Variants in DPP10 observed in about 807,000 individuals in gnomAD.
DPP10 encodes the protein dipeptidyl peptidase like 10, also known as inactive dipeptidyl peptidase 10.
A neutral mutation model predicts 120.9 loss-of-function variants in DPP10; 33 were observed. That is an observed-to-expected ratio of 0.27 (90% CI 0.21 to 0.37). The LOEUF (loss-of-function observed/expected upper bound fraction) is 0.37, where lower values mean the gene tolerates loss of function less well. Among genes scored for constraint, DPP10 ranks in the 10% least tolerant of loss-of-function variants. DPP10 has a pLI of 1.00. For missense variants in DPP10, 816 were observed against 942.8 expected, an observed-to-expected ratio of 0.87 and a Z score of 1.76; for synonymous variants, 337 against 326.1, an observed-to-expected ratio of 1.03 and a Z score of -0.36.
chr2:115,268,880 T>C (rs2059571109), intron 1 of DPP10, among the ~76,000 whole-genome samples: 1 of 150,534 alleles, frequency 6.6e-6, no homozygotes, highest in Non-Finnish European at 1.5e-5. Context: ...CCGGGTGCAG[T>C]GGCTCACGCC....
At chr2:115,627,436 C>A (rs561268120) in intron 5 of DPP10, among the ~76,000 whole-genome samples, 5 of 152,152 alleles carry the variant, frequency 3.3e-5, no homozygotes, top group Non-Finnish European at 5.9e-5. Flanking sequence ...GGACTGTGGA[C>A]AGCAAGATTT....
intron 1 of DPP10, among the ~76,000 whole-genome samples, chr2:114,522,066 G>A (rs1317183759): frequency 2.8e-5 from 4 of 142,458 alleles, no homozygotes; most frequent in Admixed American, 7.1e-5. Flanking sequence ...TGCAAGCTCC[G>A]CCTCCCGGGT....
intron 5 of DPP10, among the ~76,000 whole-genome samples, chr2:115,595,810 G>C (rs1227188355): frequency 6.6e-6 from 1 of 151,626 alleles, no homozygotes; most frequent in Non-Finnish European, 1.5e-5. Flanking sequence ...CTTTAAATGA[G>C]TCAGAATTAC....
At chr2:114,794,884 T>C (rs1683567814) in intron 1 of DPP10, among the ~76,000 whole-genome samples, 1 of 152,182 alleles carries the variant, frequency 6.6e-6, no homozygotes, top group African/African-American at 2.4e-5. Flanking sequence ...ATGAAATGGA[T>C]TAATAATATG....
chr2:115,656,963 TAATA>T (rs1479984821), intron 5 of DPP10, among the ~76,000 whole-genome samples: 5 of 151,748 alleles, frequency 3.3e-5, no homozygotes, highest in African/African-American at 4.8e-5. Flanking sequence ...CTGTTATGCA[TAATA>T]AATAAGTTCT....
intron 1 of DPP10, among the ~76,000 whole-genome samples, chr2:115,279,190 G>A (rs2060037904): frequency 6.6e-6 from 1 of 151,708 alleles, no homozygotes; most frequent in African/African-American, 2.4e-5. Context: ...GATTTGACCA[G>A]AAATGGACAT....
chr2:114,573,007 A>G (rs1347739670), intron 1 of DPP10, among the ~76,000 whole-genome samples: 1 of 152,200 alleles, frequency 6.6e-6, no homozygotes, highest in Non-Finnish European at 1.5e-5. Context: ...TTCTGAGACA[A>G]GGTCTTGCTG....
chr2:115,806,843 C>A (rs923093544), intron 19 of DPP10, among the ~76,000 whole-genome samples: 2 of 151,642 alleles, frequency 1.3e-5, no homozygotes, highest in African/African-American at 4.9e-5. Flanking sequence ...TAAATTGCCC[C>A]CCCACCCCCA....
intron 1 of DPP10, among the ~76,000 whole-genome samples, chr2:115,244,231 TATATATATAG>T (rs1269510207): frequency 3.8e-4 from 15 of 39,366 alleles, no homozygotes; most frequent in African/African-American, 7.9e-4. Flanking sequence ...TATATATATA[TATATATATAG>T]AGAGAGAGAG....
intron 1 of DPP10, among the ~76,000 whole-genome samples, chr2:114,771,033 C>G (rs1422009132): frequency 6.6e-6 from 1 of 152,154 alleles, no homozygotes; most frequent in Non-Finnish European, 1.5e-5. Flanking sequence ...ATATAAAAGT[C>G]TAAACACTTA....
chr2:114,718,693 G>C (rs1046765981), intron 1 of DPP10, among the ~76,000 whole-genome samples: 8 of 152,126 alleles, frequency 5.3e-5, no homozygotes, highest in Non-Finnish European at 1.0e-4. Flanking sequence ...GAATGTTAAG[G>C]AAAATGACCA....
intron 3 of DPP10, among the ~76,000 whole-genome samples, chr2:115,409,965 G>A (rs893437760): frequency 6.6e-6 from 1 of 152,186 alleles, no homozygotes; most frequent in African/African-American, 2.4e-5. Context: ...TAATCTATGA[G>A]GATACAAAGG....
intron 4 of DPP10, among the ~76,000 whole-genome samples, chr2:115,503,571 G>A (rs1295428348): frequency 6.6e-6 from 1 of 152,126 alleles, no homozygotes; most frequent in Non-Finnish European, 1.5e-5. Flanking sequence ...TGGCCACGTA[G>A]CCTCACATAA....
intron 1 of DPP10, among the ~76,000 whole-genome samples, chr2:114,550,458 C>A (rs1687792924): frequency 6.6e-6 from 1 of 152,238 alleles, no homozygotes; most frequent in South Asian, 2.1e-4. Flanking sequence ...AAAGGTCACA[C>A]AGCCAGTAAG....
chr2:115,767,738 G>T, intron 12 of DPP10, among the ~76,000 whole-genome samples: 1 of 151,818 alleles, frequency 6.6e-6, no homozygotes, highest in South Asian at 2.1e-4. Flanking sequence ...CAATAAGGAT[G>T]GTAAATTTGA....
intron 1 of DPP10, among the ~76,000 whole-genome samples, chr2:115,117,932 G>C (rs993602603): frequency 2.0e-5 from 3 of 152,142 alleles, no homozygotes; most frequent in Non-Finnish European, 4.4e-5. Context: ...ATCTAAGAGG[G>C]AGAAAATATC....
chr2:115,407,462 AG>A (rs2068601296), intron 3 of DPP10, among the ~76,000 whole-genome samples: 1 of 152,148 alleles, frequency 6.6e-6, no homozygotes, highest in African/African-American at 2.4e-5. Flanking sequence ...TCTCCCTCAG[AG>A]GCCAATCTAA....
intron 3 of DPP10, among the ~76,000 whole-genome samples, chr2:115,357,621 GGT>G (rs1433740698): frequency 6.6e-6 from 1 of 152,174 alleles, no homozygotes; most frequent in Non-Finnish European, 1.5e-5. Flanking sequence ...TCTGGAGGAT[GGT>G]GGGCCCCTTC....
At chr2:115,666,058 C>G (rs1388453019) in intron 5 of DPP10, among the ~76,000 whole-genome samples, 2 of 152,062 alleles carry the variant, frequency 1.3e-5, no homozygotes, top group East Asian at 3.9e-4. Context: ...ATCCTCCACC[C>G]TCAAGTAGAC....
Sources: allele counts gnomAD v4.1 joint callset (sites outside exome capture counted in the v4.1 genomes callset), GRCh38; gene constraint gnomAD v4.1.1; transcripts MANE v1.5; gene names NCBI Gene and HGNC (gene_info 2026-07-23, HGNC 2026-07-21).